Variants in SOX5 observed in about 807,000 individuals in gnomAD.
SOX5 encodes the protein SRY-box transcription factor 5.
Under a neutral mutation model 92.0 loss-of-function variants are expected in SOX5, and 9 were observed. That is an observed-to-expected ratio of 0.10 (90% CI 0.06 to 0.17). The LOEUF (loss-of-function observed/expected upper bound fraction) is 0.17, where lower values mean the gene tolerates loss of function less well. SOX5 is among the 10% of genes least tolerant of loss of function. The probability of loss-of-function intolerance (pLI) is 1.00; values close to 1 mark genes in which losing one functional copy is unlikely to be tolerated. For synonymous variants in SOX5, 344 were observed against 336.3 expected (o/e 1.02, Z -0.25); for missense variants, 642 against 944.5 (o/e 0.68, Z 4.20).
At chr12:24,422,833 A>T (rs1037423634) in intron 1 of SOX5, among the ~76,000 whole-genome samples, 2 of 152,230 alleles carry the variant, frequency 1.3e-5, no homozygotes, top group African/African-American at 4.8e-5. Flanking sequence ...CAACACAGTG[A>T]GATCCCATTC....
intron 8 of SOX5, among the ~76,000 whole-genome samples, chr12:23,624,186 T>C (rs1297547113): frequency 2.0e-5 from 3 of 152,078 alleles, no homozygotes; most frequent in Non-Finnish European, 4.4e-5. Context: ...GATGAGAAGA[T>C]GGGAGAATGA....
chr12:24,200,966 A>C (rs1957458643), intron 4 of SOX5, among the ~76,000 whole-genome samples: 1 of 152,162 alleles, frequency 6.6e-6, no homozygotes. Flanking sequence ...GACGTCCTCC[A>C]CTGGTACCAG....
intron 2 of SOX5, among the ~76,000 whole-genome samples, chr12:24,291,578 A>G (rs1369936728): frequency 1.3e-5 from 2 of 152,266 alleles, no homozygotes; most frequent in African/African-American, 4.8e-5. Flanking sequence ...GTGCATATAG[A>G]AACAGAAAAC....
Position 24,506,784 on chromosome 12 carries a change from C to CTTTTTTTTTTTTTTTTT in SOX5, c.-251+55528_-251+55544dup, listed in dbSNP as rs386375924. Among the ~76,000 whole-genome samples, 105 of 81,768 alleles carry CTTTTTTTTTTTTTTTTT rather than the reference C, an allele frequency of 1.3e-3. 6 individuals are homozygous for CTTTTTTTTTTTTTTTTT. Among genetic ancestry groups the CTTTTTTTTTTTTTTTTT allele is most frequent in the Non-Finnish European group, 1.5e-3 (67 of 45,150 alleles). 53.6% of individuals were successfully genotyped at this position (81,768 alleles called of 152,430 possible). On this transcript the variant is annotated intron_variant, in intron 1 of 4. Coordinates refer to the SOX5 transcript ENST00000446891. ...CTGTATTTCATGGTATCCAAATGGTCTTTTTTTTTTTTTTTTTTTTTTGGA... is the reference window on the plus strand; with the variant it reads ...CTGTATTTCATGGTATCCAAATGGTCTTTTTTTTTTTTTTTTTTTTTTTTTTTTTTTTTTTTTTTGGA...
intron 3 of SOX5, among the ~76,000 whole-genome samples, chr12:23,786,350 C>A (rs764259235): frequency 6.6e-6 from 1 of 151,860 alleles, no homozygotes. Context: ...TTGTTTTAAA[C>A]ATACATTTTT....
At chr12:24,466,775 A>G (rs933151816) in intron 1 of SOX5, among the ~76,000 whole-genome samples, 1 of 152,192 alleles carries the variant, frequency 6.6e-6, no homozygotes, top group Non-Finnish European at 1.5e-5. Context: ...TCCTACACCA[A>G]ACCTATGAAA....
chr12:24,115,964 T>C (rs1160803991), intron 4 of SOX5, among the ~76,000 whole-genome samples: 1 of 152,146 alleles, frequency 6.6e-6, no homozygotes, highest in African/African-American at 2.4e-5. Flanking sequence ...AATATCTTCC[T>C]GTAGGAGAAT....
rs114472020 is a variant in SOX5, at chr12:23,754,623, C to T, written c.568+1015G>A. 7.4e-3 allele frequency among the ~76,000 whole-genome samples: 1,117 copies of T among 151,778 alleles called. 19 individuals carry two copies. The highest frequency in any genetic ancestry group is 0.026 in the African/African-American group (1,083 of 41,444). On this transcript the variant is annotated intron_variant, in intron 4 of 14. Coordinates refer to ENST00000451604, the MANE Select transcript of SOX5 (RefSeq NM_006940.6). Reference sequence around the variant, plus strand: ...GTGAAATATTCAGCCAAACATTTTCCGGAAGTTTTTAGATATCCAGATGTT... The same window carrying T: ...GTGAAATATTCAGCCAAACATTTTCTGGAAGTTTTTAGATATCCAGATGTT...
At chr12:23,753,796 C>T (rs546332911) in intron 4 of SOX5, among the ~76,000 whole-genome samples, 36 of 151,850 alleles carry the variant, frequency 2.4e-4, no homozygotes, top group Admixed American at 1.2e-3. Flanking sequence ...CCCCAGAGGG[C>T]AACACACTAT....
chr12:23,868,038 TC>T (rs2096834205), intron 2 of SOX5, among the ~76,000 whole-genome samples: 1 of 151,814 alleles, frequency 6.6e-6, no homozygotes, highest in South Asian at 2.1e-4. Flanking sequence ...TTTTCTTTTT[TC>T]CTTTCCTCTT....
chr12:24,174,664 A>C (rs1241874505), intron 4 of SOX5, among the ~76,000 whole-genome samples: 1 of 152,158 alleles, frequency 6.6e-6, no homozygotes, highest in Non-Finnish European at 1.5e-5. Context: ...TGTACTAAAA[A>C]TACAAAATTA....
chr12:23,820,606 T>G (rs892808463), intron 3 of SOX5, among the ~76,000 whole-genome samples: 1 of 152,214 alleles, frequency 6.6e-6, no homozygotes, highest in East Asian at 1.9e-4. Context: ...TTGTATAAAG[T>G]ATAGGGAAGG....
At chr12:23,658,880 G>T (rs756917287) in intron 7 of SOX5, among the ~76,000 whole-genome samples, 1 of 152,120 alleles carries the variant, frequency 6.6e-6, no homozygotes, top group Admixed American at 6.5e-5. Context: ...GCAACAGAGC[G>T]AGACTCCGTC....
chr12:23,904,961 A>C (rs544085506), intron 1 of SOX5, among the ~76,000 whole-genome samples: 6 of 152,290 alleles, frequency 3.9e-5, no homozygotes, highest in Non-Finnish European at 7.4e-5. Context: ...AAACAATGTA[A>C]AGGTACAAGG....
chr12:24,017,799 G>T (rs978149866), intron 4 of SOX5, among the ~76,000 whole-genome samples: 2 of 151,702 alleles, frequency 1.3e-5, no homozygotes, highest in Non-Finnish European at 2.9e-5. Context: ...CCCTATCACC[G>T]TCACTTTCAG....
chr12:23,719,804 A>AAAC (rs2092711422), intron 6 of SOX5, among the ~76,000 whole-genome samples: 1 of 150,346 alleles, frequency 6.7e-6, no homozygotes, highest in Admixed American at 6.7e-5. Context: ...AAAAAAAAAA[A>AAAC]AAAAAAACTG....
intron 4 of SOX5, among the ~76,000 whole-genome samples, chr12:24,190,181 T>C (rs1956387113): frequency 6.6e-6 from 1 of 152,172 alleles, no homozygotes; most frequent in Non-Finnish European, 1.5e-5. Context: ...AGTTTCACAA[T>C]AGCAAGAATT....
chr12:24,229,797 C>A (rs1962977508), intron 3 of SOX5, among the ~76,000 whole-genome samples: 1 of 152,122 alleles, frequency 6.6e-6, no homozygotes, highest in African/African-American at 2.4e-5. Flanking sequence ...AGGAAAAAGA[C>A]CGCTAGCAAT....
intron 4 of SOX5, among the ~76,000 whole-genome samples, chr12:23,988,404 C>T (rs770069903): frequency 6.6e-6 from 1 of 151,994 alleles, no homozygotes; most frequent in African/African-American, 2.4e-5. Context: ...TGGGCCCTGG[C>T]AATAGTTTAC....
Sources: gnomAD v4.1 joint callset for allele counts (sites outside exome capture counted in the v4.1 genomes callset) on GRCh38, gnomAD v4.1.1 for gene constraint, MANE v1.5 for transcripts, NCBI Gene and HGNC (gene_info 2026-07-23, HGNC 2026-07-21) for gene names.